The following ZFAT variants were observed in gnomAD, a reference collection of about 807,000 sequenced individuals.
ZFAT encodes zinc finger protein ZFAT.
A neutral mutation model predicts 117.7 loss-of-function variants in ZFAT; 64 were observed. The ratio of observed to expected loss-of-function variants is 0.54; its 90% confidence interval spans 0.44 to 0.67. The LOEUF is 0.67. Among genes scored for constraint, ZFAT ranks in the 30% least tolerant of loss-of-function variants. The pLI is 0.00. For missense variants in ZFAT, 1,433 were observed against 1,584.5 expected, an observed-to-expected ratio of 0.90 and a Z score of 1.62; for synonymous variants, 679 against 615.0, an observed-to-expected ratio of 1.10 and a Z score of -1.54.
chr8:134,663,735 C>T (rs1219023080), intron 1 of ZFAT, among the ~76,000 whole-genome samples: 2 of 152,140 alleles, frequency 1.3e-5, no homozygotes, highest in Non-Finnish European at 2.9e-5. Context: ...AAGACTCTGT[C>T]TTAAAATAGT....
chr8:134,797,606 C>T, the ZFAT span: 3 of 152,052 alleles, frequency 2.0e-5, no homozygotes, highest in African/African-American at 7.2e-5. Flanking sequence ...AGTCCCAAGA[C>T]AGAAAGTTAA....
At chr8:134,791,414 C>T in the ZFAT span, among the ~76,000 whole-genome samples, 2 of 152,218 alleles carry the variant, frequency 1.3e-5, no homozygotes, top group East Asian at 3.9e-4. Flanking sequence ...TTGGTGAGAC[C>T]CACAGCCAAC....
chr8:134,533,651 A>G (rs114916888), intron 11 of ZFAT, among the ~76,000 whole-genome samples: 2,529 of 152,334 alleles, frequency 0.017, 73 homozygotes, highest in African/African-American at 0.058. Flanking sequence ...ACCATCAGGG[A>G]AGTCCAGCAG....
At chr8:134,663,580 T>C (rs746273811) in intron 1 of ZFAT, among the ~76,000 whole-genome samples, 25 of 151,478 alleles carry the variant, frequency 1.7e-4, no homozygotes, top group Non-Finnish European at 2.9e-4. Flanking sequence ...CCACTAAAAA[T>C]ACAAAAAATT....
chr8:134,535,941 T>C (rs1821803246), intron 11 of ZFAT, among the ~76,000 whole-genome samples: 1 of 152,082 alleles, frequency 6.6e-6, no homozygotes, highest in African/African-American at 2.4e-5. Context: ...GGGCAGTCAG[T>C]GGGCATAAAA....
At chr8:134,581,483 G>A (rs574630878) in intron 10 of ZFAT, among the ~76,000 whole-genome samples, 10 of 152,272 alleles carry the variant, frequency 6.6e-5, no homozygotes, top group Admixed American at 5.2e-4. Flanking sequence ...ATTTTGCGAC[G>A]TGACAAAACT....
chr8:134,628,522 G>A (rs2131057253), intron 3 of ZFAT, among the ~76,000 whole-genome samples: 1 of 152,324 alleles, frequency 6.6e-6, no homozygotes, highest in East Asian at 1.9e-4. Context: ...CTTAACGCTA[G>A]GGAGACAAGG....
the ZFAT span, chr8:134,784,494 CTTAG>C: frequency 6.6e-6 from 1 of 152,036 alleles, no homozygotes; most frequent in Admixed American, 6.6e-5. Flanking sequence ...TTCAGTCTTT[CTTAG>C]TAAGAAAACT....
chr8:134,549,976 A>T (rs1446922711), intron 11 of ZFAT, among the ~76,000 whole-genome samples: 3 of 152,186 alleles, frequency 2.0e-5, no homozygotes, highest in Non-Finnish European at 4.4e-5. Flanking sequence ...AGGGGGAAGC[A>T]GATTTTCATG....
At chr8:134,636,813 A>G (rs2131098903) in intron 3 of ZFAT, among the ~76,000 whole-genome samples, 1 of 152,310 alleles carries the variant, frequency 6.6e-6, no homozygotes. Context: ...CCCTGACCAC[A>G]TCTATCCGCC....
chr8:134,777,709 C>T, the ZFAT span, among the ~76,000 whole-genome samples: 2 of 152,104 alleles, frequency 1.3e-5, no homozygotes, highest in African/African-American at 4.8e-5. Flanking sequence ...TTAGACCCTT[C>T]AATAAAATTA....
chr8:134,487,809 C>T (rs1247961254), intron 15 of ZFAT, among the ~76,000 whole-genome samples: 1 of 152,248 alleles, frequency 6.6e-6, no homozygotes, highest in Non-Finnish European at 1.5e-5. Flanking sequence ...ACCAGCAGCA[C>T]TGGATCCCAG....
At chr8:134,754,461 T>C in the ZFAT span, among the ~76,000 whole-genome samples, 1 of 152,214 alleles carries the variant, frequency 6.6e-6, no homozygotes, top group Non-Finnish European at 1.5e-5. Flanking sequence ...GTATACAGCA[T>C]GGGAATATAA....
chr8:134,700,857 G>C (rs959795015), intron 1 of ZFAT, among the ~76,000 whole-genome samples: 2 of 152,128 alleles, frequency 1.3e-5, no homozygotes, highest in African/African-American at 4.8e-5. Context: ...CACTGCCCAA[G>C]CGACCCTTGT....
At chr8:134,630,943 T>G (rs1829847967) in intron 3 of ZFAT, among the ~76,000 whole-genome samples, 1 of 152,200 alleles carries the variant, frequency 6.6e-6, no homozygotes, top group African/African-American at 2.4e-5. Flanking sequence ...ACTCGAGAAT[T>G]TTCCAAATTG....
the ZFAT span, among the ~76,000 whole-genome samples, chr8:134,739,637 CT>C: frequency 6.6e-6 from 1 of 152,150 alleles, no homozygotes; most frequent in African/African-American, 2.4e-5. Context: ...AGCCTTTGCC[CT>C]TAAGGAGCTC....
intron 11 of ZFAT, among the ~76,000 whole-genome samples, chr8:134,561,874 A>G (rs182364826): frequency 3.6e-4 from 55 of 152,342 alleles, no homozygotes; most frequent in African/African-American, 1.2e-3. Context: ...ACGTAAAAGG[A>G]AGAAAAGTGG....
chr8:134,656,924 A>G (rs906668865), intron 2 of ZFAT, among the ~76,000 whole-genome samples: 3 of 152,236 alleles, frequency 2.0e-5, no homozygotes, highest in Non-Finnish European at 2.9e-5. Context: ...ACAGATGTCC[A>G]GACACTACAG....
At chr8:134,521,084 T>G in intron 12 of ZFAT, 83 bp from the exon 13 acceptor site, 1 of 956,940 alleles carries the variant, frequency 1.0e-6, no homozygotes, top group South Asian at 1.5e-5. Context: ...TTCAAATGCT[T>G]CAAATCTAGT....
Sources: allele counts gnomAD v4.1 joint callset (sites outside exome capture counted in the v4.1 genomes callset), GRCh38; gene constraint gnomAD v4.1.1; transcripts MANE v1.5; gene names NCBI Gene and HGNC (gene_info 2026-07-23, HGNC 2026-07-21).